The following RHOBTB1 variants were observed in gnomAD, a reference collection of about 807,000 sequenced individuals.
RHOBTB1 encodes the protein rho-related BTB domain-containing protein 1.
A neutral mutation model predicts 71.6 loss-of-function variants in RHOBTB1; 40 were observed. That is an observed-to-expected ratio of 0.56 (90% CI 0.43 to 0.73). The LOEUF (loss-of-function observed/expected upper bound fraction) is 0.73, where lower values mean the gene tolerates loss of function less well. Among genes scored for constraint, RHOBTB1 ranks in the 30% least tolerant of loss-of-function variants. The pLI, the probability that RHOBTB1 is intolerant of heterozygous loss-of-function variation, is 0.00. For missense variants in RHOBTB1, 797 were observed against 894.0 expected (o/e 0.89, Z 1.38); for synonymous variants, 319 against 334.9 (o/e 0.95, Z 0.52).
chr10:60,885,938 C>T (rs2081546661), intron 7 of RHOBTB1, among the ~76,000 whole-genome samples, 174 bp downstream of exon 7: 1 of 152,104 alleles, frequency 6.6e-6, no homozygotes, highest in Non-Finnish European at 1.5e-5. Context: ...GTGACCAAAC[C>T]CTCAAGCACT....
chr10:60,861,787 A>G, the RHOBTB1 span, among the ~76,000 whole-genome samples: 1 of 152,184 alleles, frequency 6.6e-6, no homozygotes, highest in African/African-American at 2.4e-5. Flanking sequence ...AGAACGTAAA[A>G]AGATACCCAC....
chr10:60,872,290 A>G lies in RHOBTB1; in HGVS notation c.1816T>C (p.Phe606Leu), dbSNP rs757237815. 1 of 1,612,558 alleles carries G rather than the reference A, an allele frequency of 6.2e-7. No homozygotes were observed. The highest frequency in any genetic ancestry group is 8.5e-7 in the Non-Finnish European group (1 of 1,178,564). The change falls in exon 10 of 11, where the codon TTT (phenylalanine) becomes CTT (leucine). Residue 606 changes from phenylalanine to leucine, a missense_variant and splice_region_variant. Phe to Leu is a conservative substitution (Grantham distance 22). Coordinates refer to ENST00000337910, the MANE Select transcript of RHOBTB1 (RefSeq NM_014836.5). ...GCGGCCAACTGGTGGGCATTGTGAA[A>G]CTGCAGAAAAGTGAGCAAAAGGAGG... ...EVLSYLELAQ[F>L]HNAHQLAAWC...
At position 60,871,661 on chromosome 10, in the gene RHOBTB1, G is replaced by T. The variant is rs201494099; in HGVS notation, c.1922-10C>A. ...AAGTATTCCTGGTTGTCTGGTGAAG[G>T]AAAGATGCAGACCATAAGACCTGCG... On this transcript the variant is annotated splice_polypyrimidine_tract_variant and intron_variant, in intron 10 of 10. Transcript: ENST00000337910. The T allele has an allele frequency of 6.2e-7, 1 of 1,612,450 alleles. No homozygotes were observed. The highest frequency in any genetic ancestry group is 1.3e-5 in the African/African-American group (1 of 74,906).
At chr10:60,977,104 T>G (rs1446083426) in intron 2 of RHOBTB1, among the ~76,000 whole-genome samples, 1 of 152,068 alleles carries the variant, frequency 6.6e-6, no homozygotes, top group Non-Finnish European at 1.5e-5. Flanking sequence ...TTAAACAAAT[T>G]CTGACTTAGA....
chr10:60,987,839 C>T (rs778897954), intron 1 of RHOBTB1, among the ~76,000 whole-genome samples: 7 of 151,866 alleles, frequency 4.6e-5, no homozygotes, highest in Admixed American at 1.3e-4. Context: ...CAAATGCTCT[C>T]CACCCCCTAA....
At chr10:60,879,717 T>C (rs2081222960) in intron 7 of RHOBTB1, among the ~76,000 whole-genome samples, 1 of 152,134 alleles carries the variant, frequency 6.6e-6, no homozygotes, top group Admixed American at 6.5e-5. Context: ...CTATATATTA[T>C]GTATGATTAC....
At chr10:60,960,231 T>C (rs2085731829) in intron 2 of RHOBTB1, among the ~76,000 whole-genome samples, 2 of 152,234 alleles carry the variant, frequency 1.3e-5, no homozygotes, top group South Asian at 4.1e-4. Flanking sequence ...TCTTATACTC[T>C]GTTAAGTACT....
chr10:60,956,190 T>C (rs530154767), intron 2 of RHOBTB1, among the ~76,000 whole-genome samples: 10 of 152,290 alleles, frequency 6.6e-5, no homozygotes, highest in African/African-American at 1.9e-4. Context: ...TTGAATCCTG[T>C]AGGCAATTGT....
At chr10:60,959,463 C>A (rs2085706769) in intron 2 of RHOBTB1, among the ~76,000 whole-genome samples, 2 of 152,124 alleles carry the variant, frequency 1.3e-5, no homozygotes, top group African/African-American at 4.8e-5. Context: ...AGGACTCAGA[C>A]ACACAGTCCA....
At chr10:60,973,344 ATCTT>A (rs1358255944) in intron 2 of RHOBTB1, among the ~76,000 whole-genome samples, 1 of 152,076 alleles carries the variant, frequency 6.6e-6, no homozygotes, top group Non-Finnish European at 1.5e-5. Context: ...CATTTAGTTT[ATCTT>A]TCTGTCTACA....
Position 60,871,549 on chromosome 10 carries a change from A to T in RHOBTB1, c.2024T>A (p.Ile675Asn). 6.2e-7 allele frequency: 1 copy of T among 1,614,060 alleles called. No homozygotes were observed. Among genetic ancestry groups the T allele is most frequent in the Non-Finnish European group, 8.5e-7 (1 of 1,179,998 alleles). Residue 675 changes from isoleucine (I) to asparagine (N), a missense_variant, in exon 11 of 11, where the codon ATT becomes AAT. This residue lies in a region of RHOBTB1 where 658 missense variants were observed against 681.5 expected (regional missense o/e 0.97). Coordinates refer to ENST00000337910, the MANE Select transcript of RHOBTB1 (RefSeq NM_014836.5). ...RVKREREKED[I>N]ALNKHRSRRK... ...TCTTGAGCGATGCTTATTTAGTGCA[A>T]TATCTTCCTTCTCTCGTTCCCTTTT...
At chr10:60,982,990 G>A (rs1417676610) in intron 2 of RHOBTB1, among the ~76,000 whole-genome samples, 2 of 151,894 alleles carry the variant, frequency 1.3e-5, no homozygotes, top group Non-Finnish European at 1.5e-5. Flanking sequence ...TCTTTTAATC[G>A]ACAGATTAAT....
At chr10:60,987,301 A>C (rs1294893941) in intron 1 of RHOBTB1, among the ~76,000 whole-genome samples, 1 of 152,106 alleles carries the variant, frequency 6.6e-6, no homozygotes. Context: ...TCCACTTGGC[A>C]GCAATTTTAT....
At chr10:60,966,502 T>C (rs1461142653) in intron 2 of RHOBTB1, among the ~76,000 whole-genome samples, 1 of 150,742 alleles carries the variant, frequency 6.6e-6, no homozygotes, top group Non-Finnish European at 1.5e-5. Context: ...AGACCCTATC[T>C]CTAATTAAAA....
chr10:60,996,327 A>C (rs182240950), intron 1 of RHOBTB1, among the ~76,000 whole-genome samples: 268 of 152,266 alleles, frequency 1.8e-3, no homozygotes, highest in Admixed American at 5.7e-3. Flanking sequence ...TTCTGAACTA[A>C]ATACCCTCAA....
intron 4 of RHOBTB1, among the ~76,000 whole-genome samples, chr10:60,906,087 A>G (rs1450423038): frequency 6.6e-6 from 1 of 152,220 alleles, no homozygotes; most frequent in African/African-American, 2.4e-5. Context: ...TTTGAGAAAA[A>G]TCAGTGTCTA....
In RHOBTB1 at chr10:60,892,926, C is replaced by A; in HGVS notation, c.366G>T (p.Trp122Cys). ...GGCAAAAGTGCTTGATTTCTGGATA[C>A]CACATGCTTTTCACATGATTTAGGG... ...PNSLNHVKSM[W>C]YPEIKHFCPR... Residue 122 changes from tryptophan (W) to cysteine (C), a missense_variant, in exon 5 of 11, where the codon TGG becomes TGT. Around this residue, in one of 2 missense-constraint regions of RHOBTB1, gnomAD observed 139 missense variants for 212.5 expected, o/e 0.65. Coordinates refer to ENST00000337910, the MANE Select transcript of RHOBTB1 (RefSeq NM_014836.5). The A allele has an allele frequency of 6.2e-7, 1 of 1,613,972 alleles. No individual in the cohort carries two copies. The highest frequency in any genetic ancestry group is 8.5e-7 in the Non-Finnish European group (1 of 1,179,904).
intron 1 of RHOBTB1, among the ~76,000 whole-genome samples, chr10:60,999,099 A>C (rs958223058): frequency 1.3e-5 from 2 of 152,182 alleles, no homozygotes; most frequent in Non-Finnish European, 2.9e-5. Flanking sequence ...CACCTAGTGC[A>C]CTTTCACCTG....
At chr10:60,969,856 C>A (rs539824730) in intron 2 of RHOBTB1, among the ~76,000 whole-genome samples, 6 of 152,174 alleles carry the variant, frequency 3.9e-5, no homozygotes, top group African/African-American at 1.2e-4. Context: ...AATAATAATA[C>A]CTTGGATGAT....
Sources: gnomAD v4.1 joint callset for allele counts (sites outside exome capture counted in the v4.1 genomes callset) on GRCh38, gnomAD v4.1.1 for gene constraint, gnomAD v4.1.1 regional missense constraint, MANE v1.5 for transcripts, NCBI Gene and HGNC (gene_info 2026-07-23, HGNC 2026-07-21) for gene names.